NUP188: variants seen among roughly 807,000 people sequenced by gnomAD.
The protein encoded by NUP188 is nucleoporin NUP188.
NUP188 carries 97 observed loss-of-function variants against 223.0 expected under a neutral mutation model. The observed-to-expected ratio is 0.43, with a 90% CI of 0.37 to 0.51. The LOEUF (loss-of-function observed/expected upper bound fraction) is 0.51, where lower values mean the gene tolerates loss of function less well. NUP188 is among the 20% of genes least tolerant of loss of function. NUP188 has a pLI of 0.00. For synonymous variants in NUP188, 869 were observed against 828.0 expected (o/e 1.05, Z -0.85); for missense variants, 1,947 against 2,175.6 (o/e 0.89, Z 2.09).
intron 34 of NUP188, among the ~76,000 whole-genome samples, chr9:129,000,185 G>A (rs1842616098): frequency 6.6e-6 from 1 of 152,166 alleles, no homozygotes; most frequent in South Asian, 2.1e-4. Context: ...TTAAACTCCA[G>A]GCCTCAAGCC....
At chr9:128,991,368 C>T (rs1345808096) in intron 25 of NUP188, among the ~76,000 whole-genome samples, 1 of 151,582 alleles carries the variant, frequency 6.6e-6, no homozygotes, top group Non-Finnish European at 1.5e-5. Flanking sequence ...TGAAACCCCA[C>T]CTCTACTAAA....
intron 21 of NUP188, 57 bp downstream of exon 21, chr9:128,986,735 T>A: frequency 6.2e-7 from 1 of 1,613,834 alleles, no homozygotes; most frequent in Non-Finnish European, 8.5e-7. Context: ...TGGAGAGCTT[T>A]TTTCTTTCCC....
intron 6 of NUP188, among the ~76,000 whole-genome samples, chr9:128,958,583 A>C (rs1841902215): frequency 6.6e-6 from 1 of 152,182 alleles, no homozygotes; most frequent in Admixed American, 6.5e-5. Context: ...ACTTGTGTAT[A>C]TTGTTAAACA....
At chr9:128,965,168 A>T (rs1354637600) in intron 8 of NUP188, among the ~76,000 whole-genome samples, 2 of 152,022 alleles carry the variant, frequency 1.3e-5, no homozygotes, top group Non-Finnish European at 2.9e-5. Context: ...ATTGATTAAA[A>T]TTTTTTTATC....
At chr9:128,985,075 C>G in intron 20 of NUP188, 61 bp downstream of exon 20, 1 of 1,202,578 alleles carries the variant, frequency 8.3e-7, no homozygotes, top group Non-Finnish European at 1.2e-6. Flanking sequence ...TGTCAGATGA[C>G]TCTGAAATAG....
rs569267528 is a variant in NUP188, at chr9:128,965,804, A to ATT, written c.586-2688_586-2687dup. Among the ~76,000 whole-genome samples, 328 of 137,042 alleles carry ATT rather than the reference A, an allele frequency of 2.4e-3. 2 individuals are homozygous for ATT. Among genetic ancestry groups the ATT allele is most frequent in the African/African-American group, 8.2e-3 (305 of 37,370 alleles). 89.9% of individuals were successfully genotyped at this position (137,042 alleles called of 152,430 possible). A position where few individuals can be genotyped will look rare whatever the true frequency, so the allele number is the denominator to read the frequency against. On this transcript the variant is annotated intron_variant, in intron 8 of 43. Transcript: ENST00000372577. ...TATATTTAATTGATTTCTGTTGTGT[A>ATT]TTTTTTTTTTTTTTTAAATTTTCAC... is the stretch of plus-strand genomic sequence containing the variant.
At chr9:128,995,197 C>T (rs1842501222) in intron 29 of NUP188, 122 bp from the exon 30 acceptor site, 2 of 751,636 alleles carry the variant, frequency 2.7e-6, no homozygotes, top group Non-Finnish European at 2.3e-6. Context: ...TTGGAGGTGT[C>T]CTGGAGCCGT....
chr9:128,982,873 G>A lies in NUP188; in HGVS notation c.1670-29G>A, dbSNP rs17485548. The A allele has an allele frequency of 2.8e-4, 447 of 1,613,568 alleles. 1 individual carries two copies. The African/African-American group carries it at 4.8e-3, about 17-fold the overall frequency. On this transcript the variant is annotated intron_variant, in intron 16 of 43. Transcript: ENST00000372577. ...AGTGATCTTAAAGGGGTTGTTTGCCGTGAGGTCACAGGCTGTCTTTCTTCT... is the reference window on the plus strand; with the variant it reads ...AGTGATCTTAAAGGGGTTGTTTGCCATGAGGTCACAGGCTGTCTTTCTTCT...
chr9:128,966,775 C>T lies in NUP188; in HGVS notation c.586-1731C>T, dbSNP rs573831734. On this transcript the variant is annotated intron_variant, in intron 8 of 43. Coordinates refer to ENST00000372577, the MANE Select transcript of NUP188 (RefSeq NM_015354.3). Reference sequence around the variant, plus strand: ...ATCTTTCTTGGTGATTGTACCTGTACACCTGGAAAGAATGTCTAGTTGTTT... The same window carrying T: ...ATCTTTCTTGGTGATTGTACCTGTATACCTGGAAAGAATGTCTAGTTGTTT... Among the ~76,000 whole-genome samples, 16 of 152,228 alleles carry T rather than the reference C, an allele frequency of 1.1e-4. No homozygotes were observed. In the South Asian group the frequency reaches 3.1e-3, roughly 30 times the overall value.
At chr9:128,956,210 T>TGTGTGTGC (rs1554827624) in intron 3 of NUP188, 140 bp from the exon 4 acceptor site, 50 of 440,930 alleles carry the variant, frequency 1.1e-4, no homozygotes, top group Middle Eastern at 6.1e-4. Context: ...TGTGTGTGTG[T>TGTGTGTGC]GCGTGTGTGT....
intron 19 of NUP188, 113 bp from the exon 20 acceptor site, chr9:128,984,787 C>G: frequency 3.2e-6 from 2 of 622,068 alleles, no homozygotes; most frequent in Non-Finnish European, 5.6e-6. Flanking sequence ...CACTGGAGAG[C>G]TTTTCTATTT....
At chr9:128,995,880 G>A (rs1047407918) in intron 30 of NUP188, among the ~76,000 whole-genome samples, 1 of 152,166 alleles carries the variant, frequency 6.6e-6, no homozygotes, top group Non-Finnish European at 1.5e-5. Context: ...ATAAATACTT[G>A]TTGACTAGTC....
intron 36 of NUP188, 35 bp from the exon 37 acceptor site, chr9:129,002,777 TCAGCA>T: frequency 2.5e-6 from 4 of 1,597,340 alleles, no homozygotes; most frequent in Non-Finnish European, 3.4e-6. Context: ...GTCCTGCCTC[TCAGCA>T]GGGTTCCTGA....
At chr9:128,965,739 C>T (rs1327359235) in intron 8 of NUP188, among the ~76,000 whole-genome samples, 1 of 151,832 alleles carries the variant, frequency 6.6e-6, no homozygotes, top group Non-Finnish European at 1.5e-5. Context: ...AGACGTGAGC[C>T]ACCACGTCTG....
At chr9:128,951,751 T>C (rs1841790411) in intron 2 of NUP188, among the ~76,000 whole-genome samples, 1 of 151,654 alleles carries the variant, frequency 6.6e-6, no homozygotes, top group African/African-American at 2.4e-5. Flanking sequence ...TTAAAAACAC[T>C]CAAAGGAATG....
intron 6 of NUP188, among the ~76,000 whole-genome samples, 176 bp from the exon 7 acceptor site, chr9:128,958,626 A>G (rs1841902611): frequency 6.6e-6 from 1 of 152,144 alleles, no homozygotes; most frequent in Non-Finnish European, 1.5e-5. Context: ...ATTCTGGTTT[A>G]TGAATGTCTT....
chr9:129,006,617 C>T lies in NUP188; in HGVS notation c.5189C>T (p.Pro1730Leu), dbSNP rs747281877. Residue 1730 changes from proline (P) to leucine (L), a missense_variant, in exon 44 of 44, where the codon CCT becomes CTT. Pro to Leu is a moderately conservative substitution (Grantham distance 98). Around this residue, in one of 3 missense-constraint regions of NUP188, gnomAD observed 905 missense variants for 990.6 expected, o/e 0.91. Transcript: ENST00000372577. ...GKSTSLSKAS[P>L]ESQEPLIQLV... The stretch of plus-strand genomic sequence containing the variant: ...TCCACCTCTCTCTCCAAAGCCAGCC[C>T]TGAGAGTCAGGAGCCTCTGATCCAG... The T allele has an allele frequency of 1.2e-6, 2 of 1,614,228 alleles. No homozygotes were observed. The highest frequency in any genetic ancestry group is 1.7e-5 in the Admixed American group (1 of 60,028).
chr9:128,987,985 A>G, intron 23 of NUP188, 62 bp from the exon 24 acceptor site: 1 of 1,548,234 alleles, frequency 6.5e-7, no homozygotes, highest in Non-Finnish European at 8.9e-7. Flanking sequence ...TCATGAGAGC[A>G]CATATATTGC....
chr9:128,969,187 T>TG (rs1165610985), intron 9 of NUP188, among the ~76,000 whole-genome samples: 2 of 152,202 alleles, frequency 1.3e-5, no homozygotes, highest in Non-Finnish European at 2.9e-5. Context: ...GTGGTATAGA[T>TG]GGGGTGTCAC....
Sources: gnomAD v4.1 joint callset for allele counts (sites outside exome capture counted in the v4.1 genomes callset) on GRCh38, gnomAD v4.1.1 for gene constraint, gnomAD v4.1.1 regional missense constraint, MANE v1.5 for transcripts, NCBI Gene and HGNC (gene_info 2026-07-23, HGNC 2026-07-21) for gene names.